RBM20: variants seen among roughly 807,000 people sequenced by gnomAD.
The protein encoded by RBM20 is RNA binding motif protein 20.
RBM20 carries 51 observed loss-of-function variants against 110.1 expected under a neutral mutation model. The observed-to-expected ratio is 0.46, with a 90% CI of 0.37 to 0.59. The LOEUF (loss-of-function observed/expected upper bound fraction) is 0.59, where lower values mean the gene tolerates loss of function less well. RBM20 is among the 20% of genes least tolerant of loss of function. The pLI is 0.00. For synonymous variants in RBM20, 589 were observed against 618.2 expected (o/e 0.95, Z 0.70); for missense variants, 1,512 against 1,574.9 (o/e 0.96, Z 0.68).
At chr10:110,714,912 A>G (rs556459364) in intron 1 of RBM20, among the ~76,000 whole-genome samples, 23 of 152,250 alleles carry the variant, frequency 1.5e-4, no homozygotes, top group African/African-American at 5.1e-4. Context: ...TTCCCAAATG[A>G]TGTTGATGAA....
intron 1 of RBM20, among the ~76,000 whole-genome samples, chr10:110,679,118 C>T (rs994629814): frequency 6.6e-5 from 10 of 152,210 alleles, no homozygotes; most frequent in African/African-American, 2.2e-4. Flanking sequence ...TCCTGTCTTC[C>T]TCCCAAGGTT....
intron 5 of RBM20, among the ~76,000 whole-genome samples, chr10:110,796,744 C>T (rs1844555204): frequency 6.6e-6 from 1 of 152,158 alleles, no homozygotes; most frequent in South Asian, 2.1e-4. Flanking sequence ...TACAGGAAGA[C>T]TCTGACTTCT....
intron 1 of RBM20, among the ~76,000 whole-genome samples, chr10:110,701,251 T>C (rs1210870025): frequency 6.6e-6 from 1 of 152,124 alleles, no homozygotes; most frequent in Non-Finnish European, 1.5e-5. Flanking sequence ...TGAAGAATTT[T>C]TTTTTTTCCT....
chr10:110,660,486 C>A (rs111788447), intron 1 of RBM20, among the ~76,000 whole-genome samples: 6 of 151,960 alleles, frequency 3.9e-5, no homozygotes, highest in Admixed American at 6.5e-5. Context: ...AGGAGGTGAG[C>A]GGTGGGCGAG....
intron 13 of RBM20, among the ~76,000 whole-genome samples, chr10:110,834,749 G>A (rs909799532): frequency 2.6e-5 from 4 of 152,166 alleles, no homozygotes; most frequent in Admixed American, 1.3e-4. Context: ...CTTAACCACC[G>A]TACTGGTCTG....
At chr10:110,770,168 T>A (rs920087583) in intron 1 of RBM20, among the ~76,000 whole-genome samples, 6 of 152,142 alleles carry the variant, frequency 3.9e-5, no homozygotes, top group African/African-American at 7.2e-5. Context: ...GACACAGAGA[T>A]GAGGGTGTAG....
chr10:110,801,374 C>T (rs1160528792), intron 7 of RBM20, among the ~76,000 whole-genome samples: 2 of 151,688 alleles, frequency 1.3e-5, no homozygotes, highest in Non-Finnish European at 2.9e-5. Flanking sequence ...TTGCAGTGAG[C>T]CAAGATTGTG....
chr10:110,781,178 C>T lies in RBM20; in HGVS notation c.569C>T (p.Pro190Leu), dbSNP rs1321284191. ...CCCTCCATGAACCTTCCCAACCAGC[C>T]ACCCAGTGCCATGGTGATGCATCCT... ...PGPSMNLPNQ[P>L]PSAMVMHPFT... Residue 190 changes from proline to leucine, a missense_variant, in exon 2 of 14, where the codon CCA becomes CTA. Coordinates refer to ENST00000369519, the MANE Select transcript of RBM20 (RefSeq NM_001134363.3). 2.6e-6 allele frequency: 4 copies of T among 1,551,602 alleles called. No homozygotes were observed. The highest frequency in any genetic ancestry group is 4.9e-5 in the East Asian group (2 of 40,938).
Position 110,831,199 on chromosome 10 carries a change from C to T in RBM20, c.3573+17C>T. On this transcript the variant is annotated intron_variant, in intron 13 of 13. Transcript: ENST00000369519. ...AACTTACAGGTAAAAATCCACTCTC[C>T]TTGCCCAGCATGCCAGGGGCTCCCC... is the stretch of plus-strand genomic sequence containing the variant. 1 of 1,549,088 alleles carries T rather than the reference C, an allele frequency of 6.5e-7. No homozygotes were observed.
At chr10:110,737,126 G>A (rs187569331) in intron 1 of RBM20, among the ~76,000 whole-genome samples, 1 of 141,256 alleles carries the variant, frequency 7.1e-6, no homozygotes, top group African/African-American at 2.7e-5. Flanking sequence ...GCAGTGAGCT[G>A]AGATAGTGCC....
At position 110,739,936 on chromosome 10, in the gene RBM20, C is replaced by A. The variant is rs1843708461; in HGVS notation, c.192-40865C>A. 1.3e-5 allele frequency among the ~76,000 whole-genome samples: 2 copies of A among 152,224 alleles called. No individual in the cohort carries two copies. Among genetic ancestry groups the A allele is most frequent in the Admixed American group, 6.5e-5 (1 of 15,282 alleles). ...GGTCCTCCTGCCCTCACTGGGTGTT[C>A]CCAGCCCCACTATACTGTCTCCCTC... is the stretch of plus-strand genomic sequence containing the variant. On this transcript the variant is annotated intron_variant, in intron 1 of 13. Transcript: ENST00000369519. This position sits in a 1 kb window ranked among gnomAD's most constrained non-coding sequence, Gnocchi z 4.1.
At chr10:110,680,469 A>C (rs1284263080) in intron 1 of RBM20, among the ~76,000 whole-genome samples, 2 of 152,098 alleles carry the variant, frequency 1.3e-5, no homozygotes, top group African/African-American at 2.4e-5. Context: ...GTCAGCTAAA[A>C]AGGTGGTAGG....
intron 1 of RBM20, among the ~76,000 whole-genome samples, chr10:110,771,371 C>T (rs935020557): frequency 5.3e-5 from 8 of 152,092 alleles, no homozygotes; most frequent in African/African-American, 1.7e-4. Context: ...TTAAGTGATC[C>T]GCCTGCCTCA....
chr10:110,713,305 C>G (rs1862967251), intron 1 of RBM20, among the ~76,000 whole-genome samples: 1 of 152,232 alleles, frequency 6.6e-6, no homozygotes, highest in Admixed American at 6.5e-5. Context: ...GTAACGTGCA[C>G]TAGGCTTAGC....
At chr10:110,701,398 C>CT (rs527908106) in intron 1 of RBM20, among the ~76,000 whole-genome samples, 51 of 152,190 alleles carry the variant, frequency 3.4e-4, no homozygotes, top group African/African-American at 1.1e-3. Context: ...ACTGATTCTC[C>CT]TTTTTTTCTG....
Position 110,688,870 on chromosome 10 carries a change from A to G in RBM20, c.191+44225A>G, listed in dbSNP as rs147521693. 2.6e-4 allele frequency among the ~76,000 whole-genome samples: 39 copies of G among 151,208 alleles called. No individual in the cohort carries two copies. In the East Asian group the frequency reaches 7.2e-3, roughly 28 times the overall value. On this transcript the variant is annotated intron_variant, in intron 1 of 13. Transcript: ENST00000369519. ...GATCCTACCCAGGATCCAACATGGC[A>G]TTTAGTTATCATTTCTTCTTAGTCT...
At chr10:110,833,491 C>G (rs1382518013) in intron 13 of RBM20, among the ~76,000 whole-genome samples, 1 of 151,448 alleles carries the variant, frequency 6.6e-6, no homozygotes, top group Non-Finnish European at 1.5e-5. Context: ...TGTAAACCAT[C>G]CTTATATCAG....
intron 10 of RBM20, 130 bp downstream of exon 10, chr10:110,820,306 G>A (rs1844891788): frequency 9.7e-6 from 6 of 619,392 alleles, no homozygotes; most frequent in African/African-American, 1.8e-5. Flanking sequence ...GAATGAACCA[G>A]TCCTCCTAGC....
At chr10:110,776,580 C>T (rs894934914) in intron 1 of RBM20, among the ~76,000 whole-genome samples, 3 of 152,244 alleles carry the variant, frequency 2.0e-5, no homozygotes, top group African/African-American at 7.2e-5. Context: ...TCCTCTCTGA[C>T]TTCTGTTTCC....
Sources: gnomAD v4.1 joint callset for allele counts (sites outside exome capture counted in the v4.1 genomes callset) on GRCh38, gnomAD v4.1.1 for gene constraint, Gnocchi (gnomAD v3.1) non-coding constraint, MANE v1.5 for transcripts, NCBI Gene and HGNC (gene_info 2026-07-23, HGNC 2026-07-21) for gene names.